Variants in FAF1 observed in about 807,000 individuals in gnomAD.
FAF1 encodes the protein FAS-associated factor 1.
Under a neutral mutation model 92.5 loss-of-function variants are expected in FAF1, and 25 were observed. The ratio of observed to expected loss-of-function variants is 0.27; its 90% confidence interval spans 0.20 to 0.38. The LOEUF is 0.38. Ranked by LOEUF, FAF1 falls within the 10% of genes least tolerant of loss-of-function variation. The probability of loss-of-function intolerance (pLI) is 1.00; values close to 1 mark genes in which losing one functional copy is unlikely to be tolerated. For missense variants in FAF1, 636 were observed against 793.3 expected, an observed-to-expected ratio of 0.80 and a Z score of 2.38; for synonymous variants, 234 against 273.2, an observed-to-expected ratio of 0.86 and a Z score of 1.42.
chr1:50,769,767 C>T (rs1299382972), intron 4 of FAF1, among the ~76,000 whole-genome samples: 1 of 152,088 alleles, frequency 6.6e-6, no homozygotes, highest in Non-Finnish European at 1.5e-5. Context: ...AAACCCTCAA[C>T]AGGCTGGGTG....
At chr1:50,814,231 G>T (rs1457483610) in intron 2 of FAF1, among the ~76,000 whole-genome samples, 1 of 152,072 alleles carries the variant, frequency 6.6e-6, no homozygotes, top group African/African-American at 2.4e-5. Context: ...CCTAGGCAAA[G>T]TAATACTAGG....
At chr1:50,648,069 G>T (rs1557454516) in intron 8 of FAF1, among the ~76,000 whole-genome samples, 2 of 152,022 alleles carry the variant, frequency 1.3e-5, no homozygotes, top group South Asian at 2.1e-4. Context: ...GACCAGCCTG[G>T]CCGACATAGT....
intron 2 of FAF1, among the ~76,000 whole-genome samples, chr1:50,819,478 T>A: frequency 7.3e-6 from 1 of 137,418 alleles, no homozygotes; most frequent in Admixed American, 7.3e-5. Context: ...AAAAAAAAAA[T>A]TAGCTAGGCA....
At chr1:50,518,998 A>G (rs542223297) in intron 15 of FAF1, among the ~76,000 whole-genome samples, 1 of 152,274 alleles carries the variant, frequency 6.6e-6, no homozygotes, top group Admixed American at 6.5e-5. Flanking sequence ...TCAGTGAAAC[A>G]ACAGTGGGCA....
At chr1:50,814,448 A>T (rs1310485949) in intron 2 of FAF1, among the ~76,000 whole-genome samples, 1 of 152,192 alleles carries the variant, frequency 6.6e-6, no homozygotes, top group Non-Finnish European at 1.5e-5. Context: ...AAAATAAAAA[A>T]CAAACCGACT....
intron 13 of FAF1, among the ~76,000 whole-genome samples, chr1:50,559,730 G>A (rs958880093): frequency 6.6e-6 from 1 of 152,154 alleles, no homozygotes; most frequent in South Asian, 2.1e-4. Context: ...TCATGGAACA[G>A]GAGGGGTTCC....
intron 13 of FAF1, among the ~76,000 whole-genome samples, chr1:50,546,728 G>T (rs745863327): frequency 3.4e-4 from 52 of 152,174 alleles, no homozygotes; most frequent in Non-Finnish European, 4.4e-4. Context: ...TCTGGGGAGG[G>T]TCACATAGAT....
chr1:50,541,763 G>A lies in FAF1; in HGVS notation c.1269-2035C>T, dbSNP rs1418132493. Among the ~76,000 whole-genome samples the A allele has an allele frequency of 2.6e-5, 4 of 151,904 alleles. No individual in the cohort carries two copies. The East Asian group carries it at 7.7e-4, about 29-fold the overall frequency. ...CAAAGAAATAAAGGAAAGAAAGAGAGAGAGAGAAGAGAAATAAAAAAAAAG... is the reference window on the plus strand; with the variant it reads ...CAAAGAAATAAAGGAAAGAAAGAGAAAGAGAGAAGAGAAATAAAAAAAAAG... On this transcript the variant is annotated intron_variant, in intron 13 of 18. Coordinates refer to ENST00000396153, the MANE Select transcript of FAF1 (RefSeq NM_007051.3).
intron 1 of FAF1, among the ~76,000 whole-genome samples, chr1:50,921,976 G>A (rs779574221): frequency 8.0e-5 from 12 of 150,010 alleles, no homozygotes; most frequent in Non-Finnish European, 1.5e-4. Flanking sequence ...AGACCAGCCC[G>A]GCTAACATGG....
chr1:50,631,925 T>C (rs1315417555), intron 8 of FAF1, among the ~76,000 whole-genome samples: 1 of 152,238 alleles, frequency 6.6e-6, no homozygotes, highest in African/African-American at 2.4e-5. Flanking sequence ...ATGATTGTCC[T>C]GTTTTACTAT....
At chr1:50,828,419 C>T (rs1019217198) in intron 2 of FAF1, among the ~76,000 whole-genome samples, 3 of 152,068 alleles carry the variant, frequency 2.0e-5, no homozygotes, top group Non-Finnish European at 2.9e-5. Flanking sequence ...CAGGCGCCCG[C>T]CACCACGTCC....
At chr1:50,780,799 C>T (rs549654237) in intron 4 of FAF1, 21 of 390,156 alleles carry the variant, frequency 5.4e-5, no homozygotes, top group Middle Eastern at 9.3e-4. Context: ...GATGGACTTA[C>T]GGAGTGAGCA....
At chr1:50,539,951 G>A (rs948051013) in intron 13 of FAF1, among the ~76,000 whole-genome samples, 6 of 151,928 alleles carry the variant, frequency 3.9e-5, no homozygotes, top group African/African-American at 1.5e-4. Context: ...TGCTGTCTGG[G>A]GCTGACAGCA....
intron 7 of FAF1, among the ~76,000 whole-genome samples, chr1:50,674,112 A>T (rs923893003): frequency 1.3e-5 from 2 of 151,986 alleles, no homozygotes; most frequent in African/African-American, 4.8e-5. Flanking sequence ...CACCACACCC[A>T]GCTAATTTTT....
intron 2 of FAF1, among the ~76,000 whole-genome samples, chr1:50,813,800 A>G (rs1195748638): frequency 6.6e-6 from 1 of 151,814 alleles, no homozygotes; most frequent in African/African-American, 2.4e-5. Flanking sequence ...ATAAATCCAC[A>G]GCTTCATTTA....
intron 8 of FAF1, among the ~76,000 whole-genome samples, chr1:50,608,809 T>C (rs1380786539): frequency 6.6e-6 from 1 of 152,210 alleles, no homozygotes; most frequent in Non-Finnish European, 1.5e-5. Context: ...GCCATTCTTC[T>C]AGGGTTTGAA....
chr1:50,487,314 T>C (rs1231074170), intron 17 of FAF1, among the ~76,000 whole-genome samples: 1 of 152,202 alleles, frequency 6.6e-6, no homozygotes, highest in African/African-American at 2.4e-5. Flanking sequence ...ATAGAACAGA[T>C]TTTATGGAAC....
chr1:50,880,768 T>C (rs969829054), intron 1 of FAF1, among the ~76,000 whole-genome samples: 2 of 152,190 alleles, frequency 1.3e-5, no homozygotes, highest in Non-Finnish European at 2.9e-5. Context: ...GCAATTAATG[T>C]AGGGCAGAAC....
intron 1 of FAF1, among the ~76,000 whole-genome samples, chr1:50,881,902 A>G (rs923186491): frequency 6.6e-6 from 1 of 152,220 alleles, no homozygotes; most frequent in African/African-American, 2.4e-5. Flanking sequence ...ATATACAGGT[A>G]AAGCATAAAT....
Sources: gnomAD v4.1 joint callset for allele counts (sites outside exome capture counted in the v4.1 genomes callset) on GRCh38, gnomAD v4.1.1 for gene constraint, MANE v1.5 for transcripts, NCBI Gene and HGNC (gene_info 2026-07-23, HGNC 2026-07-21) for gene names.